SMYD3: variants seen among roughly 807,000 people sequenced by gnomAD.
SMYD3 encodes the protein SET and MYND domain containing 3.
In SMYD3, 36 loss-of-function variants were observed where a neutral mutation model predicts 57.7. The ratio of observed to expected loss-of-function variants is 0.62; its 90% confidence interval spans 0.48 to 0.82. The LOEUF is 0.82. Among genes scored for constraint, SMYD3 ranks in the 40% least tolerant of loss-of-function variants. The pLI, the probability that SMYD3 is intolerant of heterozygous loss-of-function variation, is 0.00. For synonymous variants in SMYD3, 211 were observed against 195.0 expected, an observed-to-expected ratio of 1.08 and a Z score of -0.68; for missense variants, 515 against 538.8, an observed-to-expected ratio of 0.96 and a Z score of 0.44.
At chr1:246,268,714 A>G (rs12038410) in intron 5 of SMYD3, among the ~76,000 whole-genome samples, 20,917 of 151,992 alleles carry the variant, frequency 0.14, 2,001 homozygotes, top group East Asian at 0.42. Context: ...AAAAAGAAAG[A>G]AAAGAGAAGA....
chr1:246,239,587 C>A (rs374523179), intron 5 of SMYD3, among the ~76,000 whole-genome samples: 130 of 152,262 alleles, frequency 8.5e-4, no homozygotes, highest in East Asian at 2.5e-3. Flanking sequence ...ATGATTTATA[C>A]TCCTTTGGGT....
At chr1:246,083,787 T>G (rs1294853419) in intron 5 of SMYD3, among the ~76,000 whole-genome samples, 1 of 152,042 alleles carries the variant, frequency 6.6e-6, no homozygotes. Context: ...GAGTCCCAAG[T>G]AAGGGGGATT....
At chr1:246,101,920 T>A (rs1427455133) in intron 5 of SMYD3, among the ~76,000 whole-genome samples, 1 of 152,248 alleles carries the variant, frequency 6.6e-6, no homozygotes, top group Non-Finnish European at 1.5e-5. Flanking sequence ...AGGATGCAGG[T>A]GTTTGAAATT....
rs550337129 is a variant in SMYD3 at position 246,016,190 on chromosome 1, C to G, written c.532-86253G>C. Among the ~76,000 whole-genome samples, 4 of 151,506 alleles carry G rather than the reference C, an allele frequency of 2.6e-5. No individual in the cohort carries two copies. The South Asian group carries it at 8.4e-4, about 32-fold the overall frequency. On this transcript the variant is annotated intron_variant, in intron 5 of 11. Coordinates refer to ENST00000490107, the MANE Select transcript of SMYD3 (RefSeq NM_001167740.2). ...GCGGAGGTGGGAGGATTGCTTGAGC[C>G]CAGGAGTTCAAGGCCAGCCTGGGCC...
intron 10 of SMYD3, among the ~76,000 whole-genome samples, chr1:245,849,183 G>A (rs2050824683): frequency 6.6e-6 from 1 of 152,172 alleles, no homozygotes; most frequent in East Asian, 1.9e-4. Context: ...CTCCCTCCTG[G>A]TCTGAACTTT....
At chr1:246,086,943 G>A (rs1019987872) in intron 5 of SMYD3, among the ~76,000 whole-genome samples, 2 of 152,014 alleles carry the variant, frequency 1.3e-5, no homozygotes, top group Non-Finnish European at 2.9e-5. Context: ...TGTTTTCACC[G>A]TTCAGCTCCC....
At chr1:246,162,352 T>C (rs1008898947) in intron 5 of SMYD3, among the ~76,000 whole-genome samples, 5 of 152,318 alleles carry the variant, frequency 3.3e-5, no homozygotes, top group Admixed American at 6.5e-5. Flanking sequence ...GAAGTATCAA[T>C]TGGAATGTGT....
intron 5 of SMYD3, among the ~76,000 whole-genome samples, chr1:246,233,913 G>A (rs1261945289): frequency 8.1e-6 from 1 of 122,878 alleles, no homozygotes; most frequent in African/African-American, 3.1e-5. Flanking sequence ...ATACCACGCA[G>A]AGGAGAAACG....
intron 8 of SMYD3, among the ~76,000 whole-genome samples, chr1:245,866,363 CTTTTTT>C (rs57157717): frequency 1.3e-5 from 2 of 148,832 alleles, no homozygotes; most frequent in African/African-American, 4.9e-5. Flanking sequence ...CATAGGTGCA[CTTTTTT>C]TTTTTAATTC....
intron 5 of SMYD3, among the ~76,000 whole-genome samples, chr1:246,260,321 A>G (rs1376859371): frequency 6.6e-6 from 1 of 152,202 alleles, no homozygotes; most frequent in African/African-American, 2.4e-5. Context: ...CTACACCAGG[A>G]TCTTTTTTAT....
chr1:246,136,874 T>C (rs1299381746), intron 5 of SMYD3, among the ~76,000 whole-genome samples: 1 of 152,236 alleles, frequency 6.6e-6, no homozygotes, highest in East Asian at 1.9e-4. Context: ...CTTAGACTTC[T>C]GCAGAGCACA....
At chr1:246,029,945 A>T (rs112399297) in intron 5 of SMYD3, among the ~76,000 whole-genome samples, 78 of 151,962 alleles carry the variant, frequency 5.1e-4, no homozygotes, top group Non-Finnish European at 9.9e-4. Flanking sequence ...TCCACAAAAA[A>T]ACTAAAAGAG....
At chr1:245,913,183 TA>T (rs1267289033) in intron 8 of SMYD3, among the ~76,000 whole-genome samples, 1 of 151,866 alleles carries the variant, frequency 6.6e-6, no homozygotes, top group Admixed American at 6.6e-5. Flanking sequence ...TATGCAGCCA[TA>T]AAAAAGGATG....
chr1:245,783,114 G>A (rs941141045), intron 10 of SMYD3, among the ~76,000 whole-genome samples: 5 of 152,220 alleles, frequency 3.3e-5, no homozygotes, highest in Admixed American at 1.3e-4. Flanking sequence ...GCAGGGTAGA[G>A]AGTGGAGAGA....
At chr1:246,250,211 G>A (rs1430197574) in intron 5 of SMYD3, among the ~76,000 whole-genome samples, 1 of 152,148 alleles carries the variant, frequency 6.6e-6, no homozygotes, top group African/African-American at 2.4e-5. Flanking sequence ...TTCTCACCCT[G>A]TGATGACTGT....
rs555593650 is a variant in SMYD3, at chr1:246,020,979, C to T, written c.532-91042G>A. Among the ~76,000 whole-genome samples the T allele has an allele frequency of 5.3e-5, 8 of 152,264 alleles. No homozygotes were observed. The East Asian group carries it at 1.3e-3, about 26-fold the overall frequency. On this transcript the variant is annotated intron_variant, in intron 5 of 11. Coordinates refer to ENST00000490107, the MANE Select transcript of SMYD3 (RefSeq NM_001167740.2). ...CTGTTCATACAGCTCCCAGAACAAACGTGTATAGGTTTGTCTAAGTAAACA... is the reference window on the plus strand; with the variant it reads ...CTGTTCATACAGCTCCCAGAACAAATGTGTATAGGTTTGTCTAAGTAAACA...
chr1:245,917,799 G>A (rs1037237581), intron 7 of SMYD3, among the ~76,000 whole-genome samples: 1 of 152,170 alleles, frequency 6.6e-6, no homozygotes, highest in African/African-American at 2.4e-5. Context: ...GTGGTGGGGG[G>A]AGAAGTGAAG....
At chr1:246,294,986 G>A (rs774400261) in intron 5 of SMYD3, among the ~76,000 whole-genome samples, 2 of 152,126 alleles carry the variant, frequency 1.3e-5, no homozygotes, top group African/African-American at 4.8e-5. Context: ...GGTTACATGA[G>A]ATAATACATA....
intron 1 of SMYD3, among the ~76,000 whole-genome samples, chr1:246,413,870 TAATAC>T (rs1393716755): frequency 2.0e-5 from 3 of 152,224 alleles, no homozygotes; most frequent in African/African-American, 7.2e-5. Context: ...AACAGCAGCC[TAATAC>T]AATGCACTAG....
Sources: allele counts gnomAD v4.1 joint callset (sites outside exome capture counted in the v4.1 genomes callset), GRCh38; gene constraint gnomAD v4.1.1; transcripts MANE v1.5; gene names NCBI Gene and HGNC (gene_info 2026-07-23, HGNC 2026-07-21).